AGO2: variants seen among roughly 807,000 people sequenced by gnomAD.
AGO2 encodes the protein argonaute RISC catalytic component 2, also known as protein argonaute-2.
In AGO2, 5 loss-of-function variants were observed where a neutral mutation model predicts 102.3. The ratio of observed to expected loss-of-function variants is 0.05; its 90% CI spans 0.03 to 0.10. The LOEUF is 0.10. Among genes scored for constraint, AGO2 ranks in the 10% least tolerant of loss-of-function variants. The pLI is 1.00. For missense variants in AGO2, 541 were observed against 1,183.7 expected (o/e 0.46, Z 7.97); for synonymous variants, 449 against 473.1 (o/e 0.95, Z 0.66).
intron 4 of AGO2, among the ~76,000 whole-genome samples, chr8:140,561,206 G>GT (rs969322947): frequency 6.6e-5 from 10 of 152,372 alleles, no homozygotes; most frequent in African/African-American, 2.4e-4. Flanking sequence ...CACGGGCACC[G>GT]TGGGGTCTGG....
intron 1 of AGO2, chr8:140,592,064 G>A (rs1209867007): frequency 6.6e-6 from 1 of 151,466 alleles, no homozygotes; most frequent in Non-Finnish European, 1.5e-5. Context: ...AGGTTGCAGT[G>A]AACTGAGATC....
At chr8:140,602,876 TC>T (rs1352743258) in intron 1 of AGO2, among the ~76,000 whole-genome samples, 1 of 152,228 alleles carries the variant, frequency 6.6e-6, no homozygotes, top group Non-Finnish European at 1.5e-5. Flanking sequence ...TTGATCAATT[TC>T]CTTCCTGAAG....
At chr8:140,617,708 C>T (rs1356212482) in intron 1 of AGO2, among the ~76,000 whole-genome samples, 2 of 152,344 alleles carry the variant, frequency 1.3e-5, no homozygotes, top group East Asian at 1.9e-4. Flanking sequence ...GTGCTGCCAT[C>T]ATCCTTTTAC....
At chr8:140,551,084 G>T (rs2072985341) in intron 11 of AGO2, among the ~76,000 whole-genome samples, 1 of 152,194 alleles carries the variant, frequency 6.6e-6, no homozygotes, top group South Asian at 2.1e-4. Context: ...TCACTGCGAG[G>T]GTGGGTCCCA....
In AGO2 at chr8:140,540,233, G is replaced by A. The variant is rs1290606136; in HGVS notation, c.2035-779C>T. Among the ~76,000 whole-genome samples, 2 of 152,272 alleles carry A rather than the reference G, an allele frequency of 1.3e-5. No homozygotes were observed. The highest frequency in any genetic ancestry group is 4.8e-5 in the African/African-American group (2 of 41,568). On this transcript the variant is annotated intron_variant, in intron 15 of 18. Transcript: ENST00000220592. The surrounding 1 kb of genome is among the most constrained non-coding windows in gnomAD (Gnocchi z 5.0). ...GGTCTCGGGAACGAGCTCTGCTTCC[G>A]CTCTGGACTGGGAAGGCAAATGGGG...
rs936929736 is a variant in AGO2 at position 140,589,814 on chromosome 8, A to G, written c.23-4503T>C. On this transcript the variant is annotated intron_variant, in intron 1 of 18. Coordinates refer to ENST00000220592, the MANE Select transcript of AGO2 (RefSeq NM_012154.5). This position sits in a 1 kb window ranked among gnomAD's most constrained non-coding sequence, Gnocchi z 4.2. ...GTGCCATCAGCACGAGCCGCAGAAC[A>G]GGACGGAGTGATGGCTCAGTGAGTA... Among the ~76,000 whole-genome samples, 1 of 152,048 alleles carries G rather than the reference A, an allele frequency of 6.6e-6. No homozygotes were observed. Among genetic ancestry groups the G allele is most frequent in the Non-Finnish European group, 1.5e-5 (1 of 68,030 alleles).
intron 14 of AGO2, 34 bp from the exon 15 acceptor site, chr8:140,541,392 T>A (rs2072795683): frequency 4.6e-6 from 7 of 1,537,760 alleles, no homozygotes; most frequent in Non-Finnish European, 6.1e-6. Flanking sequence ...GGTCAGGGGT[T>A]CCCAAAACTT....
intron 1 of AGO2, among the ~76,000 whole-genome samples, chr8:140,600,753 G>C (rs959622872): frequency 6.6e-6 from 1 of 151,510 alleles, no homozygotes. Context: ...TCTGGAAAGA[G>C]GCCTCCATGT....
At chr8:140,535,316 G>T in intron 17 of AGO2, 152 bp downstream of exon 17, 2 of 754,776 alleles carry the variant, frequency 2.6e-6, no homozygotes, top group Middle Eastern at 3.0e-4. Flanking sequence ...CCCAGCGCCT[G>T]GCACAGCCTG....
intron 4 of AGO2, 37 bp downstream of exon 4, chr8:140,562,416 G>A (rs777813372): frequency 2.5e-6 from 4 of 1,585,068 alleles, no homozygotes; most frequent in South Asian, 1.1e-5. Context: ...GAGCTGCAGG[G>A]GAGTCCCCCG....
chr8:140,541,077 T>C, intron 15 of AGO2, 87 bp downstream of exon 15: 1 of 1,372,324 alleles, frequency 7.3e-7, no homozygotes, highest in Non-Finnish European at 9.8e-7. Context: ...ACATCATTCT[T>C]GCCATTCATC....
chr8:140,631,267 C>A (rs901838833), intron 1 of AGO2, among the ~76,000 whole-genome samples: 3 of 152,120 alleles, frequency 2.0e-5, no homozygotes, highest in African/African-American at 7.2e-5. Flanking sequence ...GTAGGCCGGG[C>A]GTGGTGGCTC....
chr8:140,536,706 T>C (rs2072704696), intron 16 of AGO2, among the ~76,000 whole-genome samples: 1 of 152,222 alleles, frequency 6.6e-6, no homozygotes, highest in Admixed American at 6.5e-5. Context: ...TTATTTTCCA[T>C]TCTAGGATGG....
At chr8:140,579,471 C>G (rs912017598) in intron 2 of AGO2, among the ~76,000 whole-genome samples, 5 of 152,142 alleles carry the variant, frequency 3.3e-5, no homozygotes, top group African/African-American at 1.2e-4. Flanking sequence ...GCCACTAGGT[C>G]TAGAACTACA....
intron 16 of AGO2, among the ~76,000 whole-genome samples, chr8:140,537,397 G>A (rs2072717155): frequency 6.6e-6 from 1 of 151,892 alleles, no homozygotes; most frequent in Non-Finnish European, 1.5e-5. Flanking sequence ...AGCCTCCTGA[G>A]CTCAAGTAAG....
chr8:140,566,625 G>GT (rs2073290473), intron 3 of AGO2, among the ~76,000 whole-genome samples: 1 of 151,058 alleles, frequency 6.6e-6, no homozygotes, highest in Non-Finnish European at 1.5e-5. Context: ...TTTTGGGGGG[G>GT]GGGAAGGTGT....
intron 1 of AGO2, among the ~76,000 whole-genome samples, chr8:140,624,205 C>G (rs1354023057): frequency 2.0e-5 from 3 of 152,174 alleles, no homozygotes; most frequent in African/African-American, 7.2e-5. Context: ...GACTGGGTCA[C>G]CCGGCTCTGC....
chr8:140,547,766 C>T, intron 12 of AGO2, 139 bp from the exon 13 acceptor site: 1 of 1,253,634 alleles, frequency 8.0e-7, no homozygotes, highest in Non-Finnish European at 1.1e-6. Flanking sequence ...TGCGTGTCCC[C>T]CTCTGTCCGA....
At chr8:140,595,523 G>C (rs2073812982) in intron 1 of AGO2, among the ~76,000 whole-genome samples, 1 of 148,112 alleles carries the variant, frequency 6.8e-6, no homozygotes, top group East Asian at 2.0e-4. Context: ...GAAGTGCAGT[G>C]GTGCGATCAT....
Sources: gnomAD v4.1 joint callset for allele counts (sites outside exome capture counted in the v4.1 genomes callset) on GRCh38, gnomAD v4.1.1 for gene constraint, Gnocchi (gnomAD v3.1) non-coding constraint, MANE v1.5 for transcripts, NCBI Gene and HGNC (gene_info 2026-07-23, HGNC 2026-07-21) for gene names.